Variants in RBFOX1 observed in about 807,000 individuals in gnomAD.
The protein encoded by RBFOX1 is RNA binding fox-1 homolog 1, also known as RNA binding protein fox-1 homolog 1.
In RBFOX1, 8 loss-of-function variants were observed where a neutral mutation model predicts 57.7. That is an observed-to-expected ratio of 0.14 (90% confidence interval 0.08 to 0.25). The LOEUF is 0.25. Ranked by LOEUF, RBFOX1 falls within the 10% of genes least tolerant of loss-of-function variation. RBFOX1 has a pLI of 1.00. For missense variants in RBFOX1, 611 were observed against 548.5 expected (o/e 1.11, Z -1.14); for synonymous variants, 326 against 222.4 (o/e 1.47, Z -4.15).
At chr16:5,620,706 T>C (rs935485749) in intron 3 of RBFOX1, among the ~76,000 whole-genome samples, 1 of 152,124 alleles carries the variant, frequency 6.6e-6, no homozygotes, top group Non-Finnish European at 1.5e-5. Context: ...AGAGATAGGG[T>C]CTCACTCTGT....
Position 7,342,537 on chromosome 16 carries a change from T to C in RBFOX1, c.28-175610T>C, listed in dbSNP as rs548364273. Among the ~76,000 whole-genome samples, 33 of 152,340 alleles carry C rather than the reference T, an allele frequency of 2.2e-4. No individual in the cohort carries two copies. The South Asian group carries it at 6.4e-3, about 30-fold the overall frequency. On this transcript the variant is annotated intron_variant, in intron 4 of 15. Coordinates refer to ENST00000550418, the MANE Select transcript of RBFOX1 (RefSeq NM_018723.4). Reference sequence around the variant, plus strand: ...GGTTTGTTCATGATTTCTGGAGTTATTGAATGTTCATTTTGATAAATCGAG... The same window carrying C: ...GGTTTGTTCATGATTTCTGGAGTTACTGAATGTTCATTTTGATAAATCGAG...
At chr16:5,774,558 C>A (rs2054085213) in intron 3 of RBFOX1, among the ~76,000 whole-genome samples, 1 of 152,164 alleles carries the variant, frequency 6.6e-6, no homozygotes, top group South Asian at 2.1e-4. Context: ...TAGTAGTTAT[C>A]AATAGCTAAA....
chr16:5,796,150 CA>C (rs2054870781), intron 3 of RBFOX1, among the ~76,000 whole-genome samples: 1 of 152,126 alleles, frequency 6.6e-6, no homozygotes, highest in Non-Finnish European at 1.5e-5. Context: ...ATAAGCAGCT[CA>C]AGACTGGGCT....
At chr16:5,873,963 G>C (rs1036397229) in intron 4 of RBFOX1, among the ~76,000 whole-genome samples, 1 of 152,190 alleles carries the variant, frequency 6.6e-6, no homozygotes, top group African/African-American at 2.4e-5. Context: ...TAAGTGAAAA[G>C]TAAGTGTGGA....
chr16:6,932,830 C>G (rs2076780082), intron 3 of RBFOX1, among the ~76,000 whole-genome samples: 1 of 152,212 alleles, frequency 6.6e-6, no homozygotes, highest in Non-Finnish European at 1.5e-5. Context: ...ACCATGGCCA[C>G]TGTACATCTC....
intron 4 of RBFOX1, among the ~76,000 whole-genome samples, chr16:7,115,558 C>G (rs1374041328): frequency 1.3e-5 from 2 of 152,152 alleles, no homozygotes; most frequent in Non-Finnish European, 2.9e-5. Flanking sequence ...ACTGAGCTCT[C>G]TCACCTGGCT....
At chr16:7,579,134 T>G (rs918494379) in intron 5 of RBFOX1, among the ~76,000 whole-genome samples, 1 of 152,240 alleles carries the variant, frequency 6.6e-6, no homozygotes, top group Non-Finnish European at 1.5e-5. Context: ...TTTAATTCAG[T>G]TAAATGTAAA....
chr16:7,476,259 C>T (rs1339339805), intron 4 of RBFOX1, among the ~76,000 whole-genome samples: 1 of 152,204 alleles, frequency 6.6e-6, no homozygotes, highest in East Asian at 1.9e-4. Context: ...AGGCATGAGC[C>T]ATAACTTCTG....
At chr16:5,768,777 G>T (rs941151966) in intron 3 of RBFOX1, among the ~76,000 whole-genome samples, 2 of 152,166 alleles carry the variant, frequency 1.3e-5, no homozygotes, top group African/African-American at 4.8e-5. Flanking sequence ...AGTAGCAAAT[G>T]GCTTCTGTTG....
rs12599686 is a variant in RBFOX1, at chr16:6,184,373, C to G, written c.-126-132622C>G. Among the ~76,000 whole-genome samples, 174 of 152,142 alleles carry G rather than the reference C, an allele frequency of 1.1e-3. 3 individuals are homozygous for G. The East Asian group carries it at 0.027, about 24-fold the overall frequency. ...GTGGGAAAGGATGGAACCAGGGAAT[C>G]CAGAAGGAGACATTACACTCATGGG... On this transcript the variant is annotated intron_variant, in intron 1 of 15. Coordinates refer to ENST00000550418, the MANE Select transcript of RBFOX1 (RefSeq NM_018723.4).
chr16:5,851,542 G>T (rs951073367), intron 3 of RBFOX1, among the ~76,000 whole-genome samples: 11 of 152,174 alleles, frequency 7.2e-5, no homozygotes, highest in African/African-American at 2.4e-4. Context: ...GAGGTAATAA[G>T]AAAAGCAAAC....
intron 4 of RBFOX1, among the ~76,000 whole-genome samples, chr16:7,057,534 T>C (rs1445944040): frequency 6.6e-6 from 1 of 152,302 alleles, no homozygotes; most frequent in South Asian, 2.1e-4. Flanking sequence ...TAACCATCAG[T>C]GCATCCTCGT....
chr16:7,414,949 A>G (rs2098464479), intron 4 of RBFOX1, among the ~76,000 whole-genome samples: 2 of 152,166 alleles, frequency 1.3e-5, no homozygotes, highest in African/African-American at 4.8e-5. Flanking sequence ...CAGATTATGC[A>G]AGGGAAGGTG....
intron 1 of RBFOX1, among the ~76,000 whole-genome samples, chr16:6,105,799 C>T (rs67927317): frequency 0.087 from 13,236 of 152,012 alleles, 775 homozygotes; most frequent in East Asian, 0.24. Flanking sequence ...TATGTGAGAA[C>T]TCAGGCACTT....
chr16:5,665,800 GGGT>G (rs1180677969), intron 3 of RBFOX1, among the ~76,000 whole-genome samples: 1 of 152,178 alleles, frequency 6.6e-6, no homozygotes, highest in Non-Finnish European at 1.5e-5. Flanking sequence ...TCGTGCTCCC[GGGT>G]TTATACCCAC....
At chr16:6,676,576 C>T (rs1386290718) in intron 3 of RBFOX1, among the ~76,000 whole-genome samples, 5 of 151,728 alleles carry the variant, frequency 3.3e-5, no homozygotes, top group East Asian at 1.9e-4. Flanking sequence ...TAAGCTATTT[C>T]GTATTGATAG....
chr16:6,074,597 T>C lies in RBFOX1; in HGVS notation c.-127+54605T>C, dbSNP rs186819192. 3.3e-5 allele frequency among the ~76,000 whole-genome samples: 5 copies of C among 152,098 alleles called. No individual in the cohort carries two copies. The East Asian group carries it at 7.8e-4, about 24-fold the overall frequency. ...TGATAGGTGAAATGGGGTCTTGCAG[T>C]GGGGGAGAAAGATTGGGCTCAATTC... On this transcript the variant is annotated intron_variant, in intron 1 of 15. Transcript: ENST00000550418.
chr16:6,226,480 G>T (rs953595868), intron 1 of RBFOX1, among the ~76,000 whole-genome samples: 22 of 152,002 alleles, frequency 1.4e-4, no homozygotes, highest in Admixed American at 7.9e-4. Flanking sequence ...CTGAGGTCAG[G>T]AAAAGGAGTG....
chr16:5,338,248 A>C (rs1455347777), intron 1 of RBFOX1, among the ~76,000 whole-genome samples: 2 of 152,102 alleles, frequency 1.3e-5, no homozygotes, highest in Admixed American at 6.5e-5. Context: ...ACGACCTCAG[A>C]ATCTTGGCCA....
Sources: gnomAD v4.1 joint callset for allele counts (sites outside exome capture counted in the v4.1 genomes callset) on GRCh38, gnomAD v4.1.1 for gene constraint, MANE v1.5 for transcripts, NCBI Gene and HGNC (gene_info 2026-07-23, HGNC 2026-07-21) for gene names.